The following PES1 variants were observed in gnomAD, a reference collection of about 807,000 sequenced individuals.
PES1 encodes pescadillo homolog.
In PES1, 31 loss-of-function variants were observed where a neutral mutation model predicts 77.1. That is an observed-to-expected ratio of 0.40 (90% CI 0.30 to 0.54). The LOEUF is 0.54. Ranked by LOEUF, PES1 falls within the 20% of genes least tolerant of loss-of-function variation. The pLI is 0.45. For missense variants in PES1, 658 were observed against 771.7 expected (o/e 0.85, Z 1.75); for synonymous variants, 282 against 303.0 (o/e 0.93, Z 0.72).
rs368462198 is a variant in PES1, at chr22:30,580,720, G to C, written c.913-19C>G. ...ACATCTCCTGTTGAGAAAGGGGCCAGGCCTCGCACCACCAGGGCTGCCCAC... is the reference window on the plus strand; with the variant it reads ...ACATCTCCTGTTGAGAAAGGGGCCACGCCTCGCACCACCAGGGCTGCCCAC... On this transcript the variant is annotated intron_variant, in intron 9 of 14. Coordinates refer to ENST00000354694, the MANE Select transcript of PES1 (RefSeq NM_014303.4). 1 of 1,612,296 alleles carries C rather than the reference G, an allele frequency of 6.2e-7. No individual in the cohort carries two copies. The highest frequency in any genetic ancestry group is 8.5e-7 in the Non-Finnish European group (1 of 1,179,988).
chr22:30,594,848 T>C (rs2087232530), upstream of PES1, among the ~76,000 whole-genome samples: 1 of 152,070 alleles, frequency 6.6e-6, no homozygotes, highest in Non-Finnish European at 1.5e-5. Flanking sequence ...TGGTAGTGTG[T>C]ACCTGTGGTC....
chr22:30,587,976 A>C, intron 3 of PES1, 45 bp downstream of exon 3: 11 of 1,594,618 alleles, frequency 6.9e-6, no homozygotes, highest in African/African-American at 1.3e-5. Context: ...AGTGGGTCAC[A>C]GAGCTGCGAT....
intron 2 of PES1, among the ~76,000 whole-genome samples, chr22:30,596,937 G>GCGGGCCCGCAGT: frequency 6.6e-6 from 1 of 152,324 alleles, no homozygotes; most frequent in Admixed American, 6.5e-5. Context: ...CGTGAGCTTG[G>GCGGGCCCGCAGT]CGGGCCCGCA....
At chr22:30,583,953 G>A (rs1398265652) in intron 6 of PES1, among the ~76,000 whole-genome samples, 1 of 152,258 alleles carries the variant, frequency 6.6e-6, no homozygotes, top group Non-Finnish European at 1.5e-5. Flanking sequence ...GCAGGGACGA[G>A]GAGCCCAGTA....
rs71200084 is a variant in PES1 at position 30,598,885 on chromosome 22, ATTTTTTTTTTTT to A, written c.-660-6499_-660-6488del. Among the ~76,000 whole-genome samples, 46 of 51,230 alleles carry A rather than the reference ATTTTTTTTTTTT, an allele frequency of 9.0e-4. No homozygotes were observed. The East Asian group carries it at 0.014, about 16-fold the overall frequency. The allele number at this position is 51,230 out of a possible 152,430, so 33.6% of individuals were successfully genotyped here. A position where few individuals can be genotyped will look rare whatever the true frequency, so the allele number is the denominator to read the frequency against. On this transcript the variant is annotated intron_variant, in intron 2 of 16. Coordinates refer to the PES1 transcript ENST00000402281. ...TTCAAGTTTATGTGACTTAAGTAAAATTTTTTTTTTTTTTTTTTTTTTTTTTTTTGAGATGGA... is the reference window on the plus strand; with the variant it reads ...TTCAAGTTTATGTGACTTAAGTAAAATTTTTTTTTTTTTTTTTGAGATGGA...
chr22:30,600,102 C>G (rs1051769861), intron 2 of PES1, among the ~76,000 whole-genome samples: 4 of 152,124 alleles, frequency 2.6e-5, no homozygotes, highest in Non-Finnish European at 4.4e-5. Context: ...GAGGCAGAGA[C>G]AGGCAGATAG....
chr22:30,579,722 C>G (rs755266337), intron 12 of PES1, 29 bp downstream of exon 12: 1 of 1,607,958 alleles, frequency 6.2e-7, no homozygotes, highest in Non-Finnish European at 8.5e-7. Context: ...GCCCAGGGGT[C>G]AAGGCCAGCC....
intron 1 of PES1, among the ~76,000 whole-genome samples, chr22:30,606,408 T>C (rs1356579666): frequency 6.6e-6 from 1 of 151,954 alleles, no homozygotes; most frequent in Non-Finnish European, 1.5e-5. Flanking sequence ...TTTATGGTTT[T>C]TTGTATGTGT....
At chr22:30,585,000 T>C (rs746376926) in intron 4 of PES1, among the ~76,000 whole-genome samples, 7 of 152,122 alleles carry the variant, frequency 4.6e-5, no homozygotes, top group Non-Finnish European at 1.0e-4. Flanking sequence ...CACGTGCGGA[T>C]TTTGTGGTGC....
rs1168923506 is a variant in PES1 at position 30,581,748 on chromosome 22, C to T, written c.631-104G>A. On this transcript the variant is annotated intron_variant, in intron 6 of 14. Transcript: ENST00000354694. ...AGGGTGTCTGACCTACCCAAAGACC[C>T]CAAGCTCCTCAAGAAGGCTCTGCCC... 8 of 782,716 alleles carry T rather than the reference C, an allele frequency of 1.0e-5. No homozygotes were observed. In the African/African-American group the frequency reaches 1.2e-4, roughly 12 times the overall value. The allele number at this position is 782,716 out of a possible 1,614,324, so 48.5% of individuals were successfully genotyped here.
rs1269725829 is a variant in PES1 at position 30,581,617 on chromosome 22, T to G, written c.658A>C (p.Met220Leu). The change falls in exon 7 of 15, where the codon ATG becomes CTG. Residue 220 changes from methionine to leucine, a missense_variant. Transcript: ENST00000354694. ...GTGTAGAACTCGGTGAAGGTGGCCA[T>G]GACCCTGTAGTCCACGTCTGTCGGG... is the stretch of plus-strand genomic sequence containing the variant. ...DHPTDVDYRV[M>L]ATFTEFYTTL... 1 of 1,551,936 alleles carries G rather than the reference T, an allele frequency of 6.4e-7. No individual in the cohort carries two copies. The highest frequency in any genetic ancestry group is 8.7e-7 in the Non-Finnish European group (1 of 1,154,558).
rs1180534907 is a variant in PES1, at chr22:30,580,130, G to A, written c.1092C>T (p.Ala364=). ...TGCGGGAGTCTGTGACGTCATAGGT[G>A]GCCCCAATGCACAAAGATTTGTCCC... The part of the protein sequence containing the change: ...VSWDKSLCIG[A]TYDVTDSRIT... The change falls in exon 11 of 15, where the codon GCC becomes GCT. Residue 364 remains alanine (A), a synonymous_variant. Transcript: ENST00000354694. The A allele has an allele frequency of 1.4e-5, 23 of 1,614,044 alleles. No homozygotes were observed. The highest frequency in any genetic ancestry group is 1.9e-5 in the Non-Finnish European group (22 of 1,179,984).
upstream of PES1, among the ~76,000 whole-genome samples, chr22:30,594,475 G>A (rs564905102): frequency 2.0e-5 from 3 of 152,072 alleles, no homozygotes; most frequent in South Asian, 2.1e-4. Flanking sequence ...AGCCAAAATT[G>A]TGCCATTGCA....
At chr22:30,600,189 C>T (rs1421242654) in intron 2 of PES1, among the ~76,000 whole-genome samples, 2 of 152,038 alleles carry the variant, frequency 1.3e-5, no homozygotes, top group East Asian at 1.9e-4. Flanking sequence ...AAAAAATTAG[C>T]CAGGTGTGGT....
At chr22:30,586,468 A>C (rs2087092308) in intron 4 of PES1, among the ~76,000 whole-genome samples, 1 of 152,218 alleles carries the variant, frequency 6.6e-6, no homozygotes, top group Non-Finnish European at 1.5e-5. Flanking sequence ...TTACCAGTCC[A>C]GGGGTTCTGA....
At chr22:30,605,477 C>T (rs958638282) in exon 2 of PES1, 3 of 985,384 alleles carry the variant, frequency 3.0e-6, no homozygotes, top group Non-Finnish European at 3.6e-6. Flanking sequence ...CTGACGATAA[C>T]GAAGGCTATC....
In PES1 at chr22:30,588,172, C is replaced by A. The variant is rs777888431; in HGVS notation, c.107G>T (p.Arg36Leu). The A allele has an allele frequency of 6.2e-7, 1 of 1,614,106 alleles. No homozygotes were observed. The highest frequency in any genetic ancestry group is 1.7e-5 in the Admixed American group (1 of 60,012). ...ATAAATGCCCTTCAGAATGCACAGC[C>A]GCCTGGAAGACAGAGGCCATCTGTT... ...KLQLSLADFR[R>L]LCILKGIYPH... Residue 36 changes from arginine (R) to leucine (L), a missense_variant and splice_region_variant, in exon 3 of 15, where the codon CGG becomes CTG. Transcript: ENST00000354694.
chr22:30,597,926 C>T (rs780102237), intron 2 of PES1, among the ~76,000 whole-genome samples: 1 of 136,802 alleles, frequency 7.3e-6, no homozygotes, highest in Non-Finnish European at 1.5e-5. Context: ...CTCTGTCGCC[C>T]AGGCTGGAGT....
In PES1 at chr22:30,591,834, C is replaced by G; in HGVS notation, c.-1G>C. The G allele has an allele frequency of 1.0e-5, 16 of 1,561,844 alleles. No individual in the cohort carries two copies. The highest frequency in any genetic ancestry group is 1.2e-5 in the Non-Finnish European group (14 of 1,153,892). On this transcript the variant is annotated 5_prime_UTR_variant, in exon 1 of 15. Coordinates refer to ENST00000354694, the MANE Select transcript of PES1 (RefSeq NM_014303.4). ...CCTTCTTCTTCTCAAGGCCTCCCAT[C>G]GCTCCACGTTGAGGAGCCGACTAGG...
Sources: gnomAD v4.1 joint callset for allele counts (sites outside exome capture counted in the v4.1 genomes callset) on GRCh38, gnomAD v4.1.1 for gene constraint, MANE v1.5 for transcripts, NCBI Gene and HGNC (gene_info 2026-07-23, HGNC 2026-07-21) for gene names.